RCL1: variants seen among roughly 807,000 people sequenced by gnomAD.
RCL1 encodes RNA 3'-terminal phosphate cyclase-like protein.
Under a neutral mutation model 42.4 loss-of-function variants are expected in RCL1, and 24 were observed. The observed-to-expected ratio is 0.57, with a 90% CI of 0.41 to 0.80. RCL1 has a LOEUF of 0.80. Ranked by LOEUF, RCL1 falls within the 30% of genes least tolerant of loss-of-function variation. The probability of loss-of-function intolerance (pLI) is 0.00; values close to 1 mark genes in which losing one functional copy is unlikely to be tolerated. For synonymous variants in RCL1, 228 were observed against 177.3 expected (o/e 1.29, Z -2.27); for missense variants, 578 against 467.9 (o/e 1.24, Z -2.17).
chr9:4,826,274 C>T (rs1587712436), intron 2 of RCL1, among the ~76,000 whole-genome samples: 4 of 151,724 alleles, frequency 2.6e-5, no homozygotes, highest in Admixed American at 2.6e-4. Context: ...TTGAATGATA[C>T]GATTATGTGA....
chr9:4,841,250 A>G lies in RCL1; in HGVS notation c.603A>G (p.Ser201=). The change falls in exon 6 of 9, where the codon TCA becomes TCG. Residue 201 remains serine, a synonymous_variant. Coordinates refer to ENST00000381750, the MANE Select transcript of RCL1 (RefSeq NM_005772.5). ...IRGMAYSVRV[S]PQMANRIVDS... ...GCTGCAGGTACTCTGTACGTGTGTC[A>G]CCTCAGATGGCGAACCGGATTGTGG... is the stretch of plus-strand genomic sequence containing the variant. 6.2e-7 allele frequency: 1 copy of G among 1,613,902 alleles called. No homozygotes were observed. The highest frequency in any genetic ancestry group is 8.5e-7 in the Non-Finnish European group (1 of 1,179,848).
chr9:4,845,401 G>A (rs1318316069), intron 7 of RCL1, among the ~76,000 whole-genome samples: 1 of 152,212 alleles, frequency 6.6e-6, no homozygotes, highest in Non-Finnish European at 1.5e-5. Flanking sequence ...TGCCCTCTCA[G>A]TTGCCACAGT....
intron 1 of RCL1, among the ~76,000 whole-genome samples, chr9:4,816,105 A>T (rs555798533): frequency 1.3e-5 from 2 of 152,218 alleles, no homozygotes; most frequent in South Asian, 2.1e-4. Context: ...CTAGCTGGCC[A>T]TCTTGATCTG....
At chr9:4,833,370 A>T in intron 4 of RCL1, 142 bp downstream of exon 4, 1 of 671,778 alleles carries the variant, frequency 1.5e-6, no homozygotes, top group Non-Finnish European at 2.7e-6. Flanking sequence ...CTCATGAAAT[A>T]AACACTACAG....
intron 1 of RCL1, among the ~76,000 whole-genome samples, chr9:4,814,528 A>C (rs539090430): frequency 1.2e-4 from 18 of 152,150 alleles, no homozygotes; most frequent in African/African-American, 4.1e-4. Context: ...TGGCTTCCCA[A>C]AGTGTTGGGA....
At position 4,793,146 on chromosome 9, in the gene RCL1, C is replaced by T; in HGVS notation, c.55C>T (p.Arg19Cys). Residue 19 changes from arginine to cysteine, a missense_variant, in exon 1 of 9, where the codon CGT becomes TGT. Arg to Cys is a radical substitution (Grantham distance 180, BLOSUM62 -3). Transcript: ENST00000381750. ...SYAGCNFLRQ[R>C]LVLSTLSGRP... The stretch of plus-strand genomic sequence containing the variant: ...CGCAGGGTGCAACTTCTTGCGCCAA[C>T]GTCTGGTCCTGTCTACCCTGAGCGG... 6 of 1,612,426 alleles carry T rather than the reference C, an allele frequency of 3.7e-6. No homozygotes were observed. The highest frequency in any genetic ancestry group is 5.1e-6 in the Non-Finnish European group (6 of 1,179,368).
At chr9:4,859,998 G>C (rs529327631) in intron 8 of RCL1, 127 bp from the exon 9 acceptor site, 1 of 594,154 alleles carries the variant, frequency 1.7e-6, no homozygotes, top group Non-Finnish European at 2.8e-6. Flanking sequence ...AATCAGATTC[G>C]ATGAGAAGGT....
At chr9:4,859,220 C>T (rs1818074851) in intron 8 of RCL1, among the ~76,000 whole-genome samples, 1 of 152,162 alleles carries the variant, frequency 6.6e-6, no homozygotes. Flanking sequence ...ATGCCATCGC[C>T]CTGTGATGCC....
chr9:4,798,946 G>C (rs1842955209), intron 1 of RCL1, among the ~76,000 whole-genome samples: 1 of 141,510 alleles, frequency 7.1e-6, no homozygotes, highest in East Asian at 2.1e-4. Flanking sequence ...ATACAGTGTT[G>C]TTTGGAAGCT....
chr9:4,846,047 G>C (rs1252290905), intron 7 of RCL1, among the ~76,000 whole-genome samples: 1 of 152,252 alleles, frequency 6.6e-6, no homozygotes, highest in East Asian at 1.9e-4. Flanking sequence ...TTATTAATCA[G>C]GGTGGTAGGG....
intron 1 of RCL1, among the ~76,000 whole-genome samples, chr9:4,817,457 G>A (rs924578477): frequency 1.4e-5 from 2 of 138,402 alleles, no homozygotes; most frequent in Non-Finnish European, 3.1e-5. Flanking sequence ...TAATTAGCTT[G>A]ATTTTTTTTT....
In RCL1 at chr9:4,844,510, C is replaced by A. The variant is rs1376164309; in HGVS notation, c.711-15C>A. On this transcript the variant is annotated splice_polypyrimidine_tract_variant and intron_variant, in intron 6 of 8. Coordinates refer to ENST00000381750, the MANE Select transcript of RCL1 (RefSeq NM_005772.5). ...TGGTTAAACCTACTCAGTGTTTGTG[C>A]CTTTGTATCTCCAGGTCTCCGGGCT... 13 of 1,599,956 alleles carry A rather than the reference C, an allele frequency of 8.1e-6. No individual in the cohort carries two copies. Among genetic ancestry groups the A allele is most frequent in the Non-Finnish European group, 1.1e-5 (13 of 1,172,794 alleles).
intron 5 of RCL1, among the ~76,000 whole-genome samples, chr9:4,835,511 C>T (rs1197894551): frequency 1.3e-5 from 2 of 152,010 alleles, no homozygotes; most frequent in Non-Finnish European, 2.9e-5. Flanking sequence ...GGGGACCACT[C>T]TTTACAGAAC....
intron 3 of RCL1, among the ~76,000 whole-genome samples, chr9:4,832,884 A>G (rs138370875): frequency 1.6e-4 from 24 of 149,946 alleles, no homozygotes; most frequent in African/African-American, 5.9e-4. Context: ...TGCTTTTTGC[A>G]TGATGCCTCT....
At chr9:4,812,434 A>T (rs1263953692) in intron 1 of RCL1, among the ~76,000 whole-genome samples, 8 of 152,076 alleles carry the variant, frequency 5.3e-5, no homozygotes, top group Admixed American at 5.2e-4. Context: ...GTATATTTTT[A>T]AATTTTAGAA....
intron 8 of RCL1, among the ~76,000 whole-genome samples, chr9:4,855,762 C>G (rs565338669): frequency 2.6e-5 from 4 of 152,228 alleles, no homozygotes; most frequent in African/African-American, 9.6e-5. Context: ...CTTACACAGT[C>G]TTCCTTGGAC....
At chr9:4,850,896 C>T (rs115994510) in intron 8 of RCL1, among the ~76,000 whole-genome samples, 1,755 of 152,168 alleles carry the variant, frequency 0.012, 34 homozygotes, top group African/African-American at 0.041. Context: ...TGCTTCAGGC[C>T]TGGGGAAGTC....
chr9:4,818,210 C>T (rs762371274), intron 1 of RCL1, among the ~76,000 whole-genome samples: 11 of 152,070 alleles, frequency 7.2e-5, no homozygotes, highest in Non-Finnish European at 1.3e-4. Context: ...CATAAGCCAC[C>T]GCGCCCGGCC....
At chr9:4,795,783 A>C (rs1842903933) in intron 1 of RCL1, among the ~76,000 whole-genome samples, 1 of 152,180 alleles carries the variant, frequency 6.6e-6, no homozygotes, top group African/African-American at 2.4e-5. Flanking sequence ...CCTCAGGAAC[A>C]TTTATTTAGA....
Sources: allele counts gnomAD v4.1 joint callset (sites outside exome capture counted in the v4.1 genomes callset), GRCh38; gene constraint gnomAD v4.1.1; transcripts MANE v1.5; gene names NCBI Gene and HGNC (gene_info 2026-07-23, HGNC 2026-07-21).